PRRC2C: variants seen among roughly 807,000 people sequenced by gnomAD.
The protein encoded by PRRC2C is proline rich coiled-coil 2C.
PRRC2C carries 72 observed loss-of-function variants against 317.2 expected under a neutral mutation model. That is an observed-to-expected ratio of 0.23 (90% CI 0.19 to 0.28). The LOEUF (loss-of-function observed/expected upper bound fraction) is 0.28. Ranked by LOEUF, PRRC2C falls within the 10% of genes least tolerant of loss-of-function variation. The pLI is 1.00. For synonymous variants in PRRC2C, 1,296 were observed against 1,205.9 expected, an observed-to-expected ratio of 1.07 and a Z score of -1.55; for missense variants, 3,074 against 3,459.7, an observed-to-expected ratio of 0.89 and a Z score of 2.80.
intron 30 of PRRC2C, among the ~76,000 whole-genome samples, chr1:171,585,843 A>G (rs1323916210): frequency 2.0e-5 from 3 of 152,078 alleles, no homozygotes; most frequent in Non-Finnish European, 4.4e-5. Context: ...GGGACCAGAA[A>G]TGTCTCGGAT....
intron 18 of PRRC2C, among the ~76,000 whole-genome samples, chr1:171,550,938 G>A (rs539103869): frequency 6.6e-6 from 1 of 152,174 alleles, no homozygotes; most frequent in African/African-American, 2.4e-5. Context: ...ACGTGTGCAT[G>A]TGTCTTTATA....
chr1:171,512,039 G>C lies in PRRC2C; in HGVS notation c.-50G>C, dbSNP rs1465826336. The stretch of plus-strand genomic sequence containing the variant: ...TCTTATGTACATCTTAAGGACTGGG[G>C]TTTTAAGGGGTGTGGCAGGAGGTTT... On this transcript the variant is annotated 5_prime_UTR_variant, in exon 2 of 35. Coordinates refer to ENST00000647382, the MANE Select transcript of PRRC2C (RefSeq NM_001387844.1). 1 of 1,057,498 alleles carries C rather than the reference G, an allele frequency of 9.5e-7. No homozygotes were observed. Among genetic ancestry groups the C allele is most frequent in the East Asian group, 2.7e-5 (1 of 37,292 alleles). 65.5% of individuals were successfully genotyped at this position (1,057,498 alleles called of 1,614,324 possible). A position where few individuals can be genotyped will look rare whatever the true frequency, so the allele number is the denominator to read the frequency against.
intron 13 of PRRC2C, among the ~76,000 whole-genome samples, 171 bp downstream of exon 13, chr1:171,535,768 A>T (rs561587917): frequency 5.9e-5 from 9 of 152,294 alleles, no homozygotes; most frequent in African/African-American, 2.2e-4. Flanking sequence ...CTTCTGTGTC[A>T]TTCCTTTTGA....
Position 171,553,308 on chromosome 1 carries a change from T to C in PRRC2C, c.5127+3068T>C, listed in dbSNP as rs1030569246. Among the ~76,000 whole-genome samples, 5 of 152,180 alleles carry C rather than the reference T, an allele frequency of 3.3e-5. No individual in the cohort carries two copies. In the East Asian group the frequency reaches 9.6e-4, roughly 29 times the overall value. ...TATTTCCGTGGGATTGGTGGTGATA[T>C]CCCCTTTATCAATTTTTATTGCGTC... On this transcript the variant is annotated intron_variant, in intron 18 of 34. Transcript: ENST00000647382.
At chr1:171,575,583 T>G (rs1463337470) in intron 25 of PRRC2C, among the ~76,000 whole-genome samples, 1 of 152,194 alleles carries the variant, frequency 6.6e-6, no homozygotes, top group Non-Finnish European at 1.5e-5. Context: ...TGGATTTTGT[T>G]TTATTTTGTT....
chr1:171,574,782 G>T (rs1572092399), intron 24 of PRRC2C, 145 bp from the exon 25 acceptor site: 5 of 765,074 alleles, frequency 6.5e-6, no homozygotes, highest in Non-Finnish European at 1.1e-5. Context: ...AGGGTCTTAG[G>T]GTCTTAGATT....
At chr1:171,581,432 G>A (rs971483635) in intron 28 of PRRC2C, among the ~76,000 whole-genome samples, 1 of 152,136 alleles carries the variant, frequency 6.6e-6, no homozygotes, top group Non-Finnish European at 1.5e-5. Flanking sequence ...GGGAGGTGGA[G>A]TAGCAATGTA....
chr1:171,506,641 A>T (rs1280099832), intron 1 of PRRC2C, among the ~76,000 whole-genome samples: 7 of 117,158 alleles, frequency 6.0e-5, no homozygotes, highest in African/African-American at 1.0e-4. Context: ...TATCTTTCCC[A>T]TTGGATAGCT....
Position 171,592,003 on chromosome 1 carries a change from C to A in PRRC2C, c.*156C>A. On this transcript the variant is annotated 3_prime_UTR_variant, in exon 35 of 35. Transcript: ENST00000647382. ...GGGACATAGGAGCAATTTACACTGA[C>A]ACACAGCTGCTGTACCAGTGAAAAC... 2 of 933,492 alleles carry A rather than the reference C, an allele frequency of 2.1e-6. No homozygotes were observed. The highest frequency in any genetic ancestry group is 3.2e-6 in the Non-Finnish European group (2 of 622,732). 57.8% of individuals were successfully genotyped at this position (933,492 alleles called of 1,614,324 possible). A position where few individuals can be genotyped will look rare whatever the true frequency, so the allele number is the denominator to read the frequency against.
At position 171,541,210 on chromosome 1, in the gene PRRC2C, T is replaced by C; in HGVS notation, c.3744T>C (p.Ser1248=). ...AGCGAGAAGAAAGTGAAACACGGAG[T>C]GAGAGCTCTGATTTTGAAGTTGTCC... The part of the protein sequence containing the change: ...LRQREESETR[S]ESSDFEVVPK... Residue 1248 remains serine, a synonymous_variant, in exon 16 of 35, where the codon AGT becomes AGC. Coordinates refer to ENST00000647382, the MANE Select transcript of PRRC2C (RefSeq NM_001387844.1). The surrounding 1 kb of genome is among the most constrained non-coding windows in gnomAD (Gnocchi z 4.1). The C allele has an allele frequency of 6.2e-7, 1 of 1,612,766 alleles. No individual in the cohort carries two copies. Among genetic ancestry groups the C allele is most frequent in the Non-Finnish European group, 8.5e-7 (1 of 1,179,624 alleles).
rs754918558 is a variant in PRRC2C at position 171,541,221 on chromosome 1, A to T, written c.3755A>T (p.Asp1252Val). ...AGTGAAACACGGAGTGAGAGCTCTGATTTTGAAGTTGTCCCCAAAAGAAGA... is the reference window on the plus strand; with the variant it reads ...AGTGAAACACGGAGTGAGAGCTCTGTTTTTGAAGTTGTCCCCAAAAGAAGA... Reference protein sequence around the residue: ...EESETRSESSDFEVVPKRRRQ... With the variant: ...EESETRSESSVFEVVPKRRRQ... Residue 1252 changes from aspartate (D) to valine (V), a missense_variant, in exon 16 of 35, where the codon GAT becomes GTT. Coordinates refer to ENST00000647382, the MANE Select transcript of PRRC2C (RefSeq NM_001387844.1). This position sits in a 1 kb window ranked among gnomAD's most constrained non-coding sequence, Gnocchi z 4.1. 1 of 1,613,546 alleles carries T rather than the reference A, an allele frequency of 6.2e-7. No homozygotes were observed. Among genetic ancestry groups the T allele is most frequent in the Non-Finnish European group, 8.5e-7 (1 of 1,179,780 alleles).
At chr1:171,521,040 G>A (rs1004506982) in intron 6 of PRRC2C, among the ~76,000 whole-genome samples, 1 of 151,704 alleles carries the variant, frequency 6.6e-6, no homozygotes, top group African/African-American at 2.4e-5. Flanking sequence ...TCCTGACCTC[G>A]TGATCTACCC....
intron 34 of PRRC2C, among the ~76,000 whole-genome samples, 191 bp downstream of exon 34, chr1:171,589,796 C>A (rs1650958568): frequency 7.1e-6 from 1 of 140,238 alleles, no homozygotes; most frequent in South Asian, 2.3e-4. Flanking sequence ...TCTTTTTTTT[C>A]TTTTTGTTTC....
At chr1:171,526,803 A>ATATTTTTTTTTT (rs1557918055) in intron 10 of PRRC2C, among the ~76,000 whole-genome samples, 1 of 85,796 alleles carries the variant, frequency 1.2e-5, no homozygotes, top group Non-Finnish European at 2.4e-5. Context: ...TCAGAAATAT[A>ATATTTTTTTTTT]TCTTTTTTTT....
rs1452545017 is a variant in PRRC2C at position 171,525,619 on chromosome 1, AAC to A, written c.1200+656_1200+657del. Among the ~76,000 whole-genome samples, 7 of 152,328 alleles carry A rather than the reference AAC, an allele frequency of 4.6e-5. No homozygotes were observed. The East Asian group carries it at 1.3e-3, about 29-fold the overall frequency. On this transcript the variant is annotated intron_variant, in intron 10 of 34. Transcript: ENST00000647382. The stretch of plus-strand genomic sequence containing the variant: ...TTCTGAGGGCTAAAAGGAGGTAGCT[AAC>A]AGTTTCCTTGACAGGAAAAAAAGTC...
At chr1:171,521,097 C>A (rs1385134771) in intron 6 of PRRC2C, among the ~76,000 whole-genome samples, 1 of 152,112 alleles carries the variant, frequency 6.6e-6, no homozygotes, top group African/African-American at 2.4e-5. Context: ...AGCCACTGCA[C>A]CTGGCTGAGA....
chr1:171,550,192 A>G lies in PRRC2C; in HGVS notation c.5079A>G (p.Lys1693=), dbSNP rs1273455310. 1.2e-6 allele frequency: 2 copies of G among 1,606,958 alleles called. No individual in the cohort carries two copies. Among genetic ancestry groups the G allele is most frequent in the Non-Finnish European group, 8.5e-7 (1 of 1,176,460 alleles). The change falls in exon 18 of 35, where the codon AAA becomes AAG. Residue 1693 remains lysine (K), a synonymous_variant. Coordinates refer to ENST00000647382, the MANE Select transcript of PRRC2C (RefSeq NM_001387844.1). ...AAGTGGTATCCAAAAAACAACAAAA[A>G]CGTTTACAGGATGAAGAACGCCGAA... ...FTEVVSKKQQ[K]RLQDEERRKK... is the part of the protein sequence containing the mutation.
At chr1:171,497,897 C>T (rs1462742338) in intron 1 of PRRC2C, among the ~76,000 whole-genome samples, 2 of 151,920 alleles carry the variant, frequency 1.3e-5, no homozygotes, top group African/African-American at 2.4e-5. Flanking sequence ...TCACTGTAGC[C>T]TCAACCTCCT....
Position 171,587,065 on chromosome 1 carries a change from T to C in PRRC2C, c.7812T>C (p.Pro2604=). Residue 2604 remains proline (P), a synonymous_variant, in exon 31 of 35, where the codon CCT becomes CCC. Coordinates refer to ENST00000647382, the MANE Select transcript of PRRC2C (RefSeq NM_001387844.1). ...SLPNFGSTGQ[P]LIALPQTLQP... is the part of the protein sequence containing the mutation. ...CTAATTTTGGATCTACAGGGCAACC[T>C]CTAATTGCTTTGCCTCAGACTCTTC... 6.2e-7 allele frequency: 1 copy of C among 1,612,134 alleles called. No homozygotes were observed. Among genetic ancestry groups the C allele is most frequent in the Middle Eastern group, 1.7e-4 (1 of 6,058 alleles).
Sources: allele counts gnomAD v4.1 joint callset (sites outside exome capture counted in the v4.1 genomes callset), GRCh38; gene constraint gnomAD v4.1.1; non-coding constraint Gnocchi (gnomAD v3.1); transcripts MANE v1.5; gene names NCBI Gene and HGNC (gene_info 2026-07-23, HGNC 2026-07-21).